The following ZNF83 variants were observed in gnomAD, a reference collection of about 807,000 sequenced individuals.
ZNF83 encodes zinc finger protein 816B.
For missense variants in ZNF83, 552 were observed against 629.9 expected (o/e 0.88, Z 1.32); for synonymous variants, 209 against 213.0 (o/e 0.98, Z 0.17).
At chr19:52,640,188 C>G (rs2061281876), upstream of ZNF83, among the ~76,000 whole-genome samples, 1 of 152,120 alleles carries the variant, frequency 6.6e-6, no homozygotes, top group African/African-American at 2.4e-5. Context: ...CAGAAACTGA[C>G]GTCAGCAGTA....
intron 1 of ZNF83, among the ~76,000 whole-genome samples, chr19:52,674,505 C>T (rs2018204): frequency 0.37 from 56,450 of 151,902 alleles, 11,108 homozygotes; most frequent in Non-Finnish European, 0.44. Context: ...GTAGATGACA[C>T]GATCCTCTGT....
At position 52,686,459 on chromosome 19, in the gene ZNF83, CAT is replaced by C. The variant is rs3055374; in HGVS notation, c.-283+3982_-283+3983del. Among the ~76,000 whole-genome samples, 815 of 143,100 alleles carry C rather than the reference CAT, an allele frequency of 5.7e-3. 3 individuals are homozygous for C. Among genetic ancestry groups the C allele is most frequent in the South Asian group, 0.033 (149 of 4,552 alleles). 93.9% of individuals were successfully genotyped at this position (143,100 alleles called of 152,430 possible). ...TCAAACTCCAACTGCAAAAAAATTA[CAT>C]ATATATATATATATATATATAAATA... On this transcript the variant is annotated intron_variant, in intron 1 of 5. Transcript: ENST00000594682.
chr19:52,620,247 T>C (rs1330635439), intron 2 of ZNF83, among the ~76,000 whole-genome samples: 2 of 124,522 alleles, frequency 1.6e-5, no homozygotes, highest in African/African-American at 2.9e-5. Flanking sequence ...TATATGTGTG[T>C]GTATATCTGT....
upstream of ZNF83, among the ~76,000 whole-genome samples, chr19:52,642,722 G>T (rs1158891120): frequency 6.6e-6 from 1 of 152,040 alleles, no homozygotes; most frequent in African/African-American, 2.4e-5. Context: ...AAGTCCAAGG[G>T]TCTATCATGA....
chr19:52,678,385 G>C (rs533859462), intron 1 of ZNF83, among the ~76,000 whole-genome samples: 1 of 150,326 alleles, frequency 6.7e-6, no homozygotes, highest in Admixed American at 6.7e-5. Context: ...GGGGGACAGA[G>C]GTTGCAGTGA....
chr19:52,688,129 T>C (rs1343719227), intron 1 of ZNF83, among the ~76,000 whole-genome samples: 5 of 152,074 alleles, frequency 3.3e-5, no homozygotes, highest in Non-Finnish European at 7.4e-5. Flanking sequence ...CAACTAATCA[T>C]AGCCAATAAA....
In ZNF83 at chr19:52,681,769, T is replaced by TCAAGGGTAA. The variant is rs1315553765; in HGVS notation, c.-283+8665_-283+8673dup. On this transcript the variant is annotated intron_variant, in intron 1 of 5. Transcript: ENST00000594682. Reference sequence around the variant, plus strand: ...CTAATGGAGAGAACATGAAATAGGTTCAAGGGTAAGAACATGGAGCATCCT... The same window carrying TCAAGGGTAA: ...CTAATGGAGAGAACATGAAATAGGTTCAAGGGTAACAAGGGTAAGAACATGGAGCATCCT... Among the ~76,000 whole-genome samples, 40 of 152,296 alleles carry TCAAGGGTAA rather than the reference T, an allele frequency of 2.6e-4. No homozygotes were observed. In the East Asian group the frequency reaches 3.7e-3, roughly 14 times the overall value.
intron 2 of ZNF83, among the ~76,000 whole-genome samples, chr19:52,633,969 A>G (rs2061058877): frequency 6.6e-6 from 1 of 152,022 alleles, no homozygotes; most frequent in Non-Finnish European, 1.5e-5. Context: ...AAAAATATAT[A>G]TTCATTATTA....
chr19:52,638,390 C>CTGGGCGGGGCCTGCGAGG (rs1555785842), upstream of ZNF83: 1 of 149,060 alleles, frequency 6.7e-6, no homozygotes, highest in African/African-American at 2.5e-5. Flanking sequence ...GAAGCCAGGT[C>CTGGGCGGGGCCTGCGAGG]TGGGCGGGGC....
At chr19:52,637,332 C>G (rs1421446450) in intron 1 of ZNF83, among the ~76,000 whole-genome samples, 1 of 152,118 alleles carries the variant, frequency 6.6e-6, no homozygotes, top group African/African-American at 2.4e-5. Context: ...GTCCTCCCTG[C>G]TGTGGTTCTC....
upstream of ZNF83, among the ~76,000 whole-genome samples, chr19:52,640,655 A>C (rs1419733666): frequency 6.6e-6 from 1 of 152,118 alleles, no homozygotes; most frequent in Non-Finnish European, 1.5e-5. Context: ...TCCTCTCTGC[A>C]ACCAGCGCCC....
At chr19:52,684,185 A>G (rs1168520022) in intron 1 of ZNF83, among the ~76,000 whole-genome samples, 1 of 152,074 alleles carries the variant, frequency 6.6e-6, no homozygotes, top group Non-Finnish European at 1.5e-5. Context: ...CCTGGCCAAC[A>G]TCGTGAAACT....
intron 2 of ZNF83, among the ~76,000 whole-genome samples, chr19:52,630,319 A>G (rs1305590202): frequency 6.6e-6 from 1 of 152,178 alleles, no homozygotes; most frequent in East Asian, 1.9e-4. Flanking sequence ...CACAGTGGAA[A>G]GTCAGTCTGT....
chr19:52,656,227 TA>T (rs869285575), intron 2 of ZNF83, among the ~76,000 whole-genome samples: 1 of 81,232 alleles, frequency 1.2e-5, no homozygotes, highest in Non-Finnish European at 3.2e-5. Flanking sequence ...TCTCTCTCTC[TA>T]TATATATATA....
chr19:52,615,564 C>A (rs2060275615), intron 2 of ZNF83, among the ~76,000 whole-genome samples: 1 of 152,054 alleles, frequency 6.6e-6, no homozygotes, highest in South Asian at 2.1e-4. Context: ...CATGATTAAA[C>A]CCTGTCTCTA....
rs1349481748 is a variant in ZNF83, at chr19:52,670,652, TGACACAACTCTCAGGAGGTCCTGA to T, written c.-282-9833_-282-9810del. ...ACTAAATATGAATAATCATGGCCCA[TGACACAACTCTCAGGAGGTCCTGA>T]GAACATATGTCCAAGGTGATGGGGA... On this transcript the variant is annotated intron_variant, in intron 1 of 5. Transcript: ENST00000594682. Among the ~76,000 whole-genome samples the T allele has an allele frequency of 2.0e-5, 3 of 152,298 alleles. No homozygotes were observed. The East Asian group carries it at 5.8e-4, about 29-fold the overall frequency.
chr19:52,654,314 T>C (rs765309673), intron 3 of ZNF83: 170 of 1,484,304 alleles, frequency 1.1e-4, no homozygotes, highest in Non-Finnish European at 1.5e-4. Context: ...TGATGACTTT[T>C]ATGTCTTTGC....
chr19:52,678,246 T>G (rs1250601055), intron 1 of ZNF83, among the ~76,000 whole-genome samples: 1 of 151,286 alleles, frequency 6.6e-6, no homozygotes, highest in Non-Finnish European at 1.5e-5. Context: ...AGATCAGTAG[T>G]TCAAGACCAG....
chr19:52,641,950 C>A (rs1000953494), upstream of ZNF83, among the ~76,000 whole-genome samples: 5 of 152,284 alleles, frequency 3.3e-5, no homozygotes, highest in African/African-American at 1.2e-4. Flanking sequence ...GCTTCCGGGT[C>A]ACAGGTAGAT....
Sources: allele counts gnomAD v4.1 joint callset (sites outside exome capture counted in the v4.1 genomes callset), GRCh38; gene constraint gnomAD v4.1.1; transcripts MANE v1.5; gene names NCBI Gene and HGNC (gene_info 2026-07-23, HGNC 2026-07-21).